The following VDAC1 variants were observed in gnomAD, a reference collection of about 807,000 sequenced individuals.
VDAC1 encodes the protein voltage dependent anion channel 1, also known as non-selective voltage-gated ion channel VDAC1.
Under a neutral mutation model 34.7 loss-of-function variants are expected in VDAC1, and 10 were observed. The ratio of observed to expected loss-of-function variants is 0.29; its 90% CI spans 0.18 to 0.49. The LOEUF (loss-of-function observed/expected upper bound fraction) is 0.49. Among genes scored for constraint, VDAC1 ranks in the 20% least tolerant of loss-of-function variants. The pLI, the probability that VDAC1 is intolerant of heterozygous loss-of-function variation, is 0.99. For missense variants in VDAC1, 230 were observed against 347.9 expected, an observed-to-expected ratio of 0.66 and a Z score of 2.69; for synonymous variants, 130 against 136.0, an observed-to-expected ratio of 0.96 and a Z score of 0.30.
the VDAC1 span, among the ~76,000 whole-genome samples, chr5:134,046,764 G>A: frequency 6.6e-6 from 1 of 152,176 alleles, no homozygotes; most frequent in Non-Finnish European, 1.5e-5. Context: ...CCTAAAAAAT[G>A]TTGTACACAG....
chr5:134,085,722 TAAAAAAAAAAAAA>T, the VDAC1 span, among the ~76,000 whole-genome samples: 40 of 44,248 alleles, frequency 9.0e-4, no homozygotes, highest in South Asian at 0.031. Flanking sequence ...ACCCCATTTC[TAAAAAAAAAAAAA>T]AAAAAAAAAA....
chr5:134,093,711 G>C, the VDAC1 span, among the ~76,000 whole-genome samples: 1 of 152,238 alleles, frequency 6.6e-6, no homozygotes, highest in Admixed American at 6.5e-5. Context: ...GCTCAAAGCA[G>C]TGGGCTGGGT....
upstream of VDAC1, among the ~76,000 whole-genome samples, chr5:134,008,521 C>G (rs935501135): frequency 4.6e-5 from 7 of 152,330 alleles, no homozygotes; most frequent in African/African-American, 1.7e-4. Flanking sequence ...TGTCTTATCT[C>G]TAACTTACAG....
At chr5:133,994,049 A>G (rs1186029671) in intron 1 of VDAC1, among the ~76,000 whole-genome samples, 1 of 152,230 alleles carries the variant, frequency 6.6e-6, no homozygotes, top group Non-Finnish European at 1.5e-5. Flanking sequence ...AATACAGTAT[A>G]CCTAAATTAT....
the VDAC1 span, among the ~76,000 whole-genome samples, chr5:134,083,903 G>A: frequency 6.6e-6 from 1 of 152,218 alleles, no homozygotes; most frequent in Non-Finnish European, 1.5e-5. Context: ...AATAAGTCGA[G>A]GTGGAGTGGT....
the VDAC1 span, among the ~76,000 whole-genome samples, chr5:134,110,489 C>A: frequency 2.0e-5 from 3 of 152,220 alleles, no homozygotes; most frequent in East Asian, 1.9e-4. Flanking sequence ...CACATGGACA[C>A]ACACGCCCCA....
the VDAC1 span, among the ~76,000 whole-genome samples, chr5:134,039,213 C>T: frequency 4.6e-5 from 7 of 152,320 alleles, no homozygotes; most frequent in East Asian, 1.3e-3. Context: ...TGATTCGCAA[C>T]CCTGGCTTCA....
At chr5:133,995,671 G>A (rs968713772) in intron 1 of VDAC1, among the ~76,000 whole-genome samples, 3 of 152,078 alleles carry the variant, frequency 2.0e-5, no homozygotes, top group African/African-American at 4.8e-5. Context: ...TGATCTGACG[G>A]AACTAAGGAA....
At chr5:134,063,804 A>T in the VDAC1 span, among the ~76,000 whole-genome samples, 2 of 152,052 alleles carry the variant, frequency 1.3e-5, no homozygotes, top group African/African-American at 4.8e-5. Flanking sequence ...AAATAAAATG[A>T]TTGTTGTCTA....
chr5:134,075,370 T>C, the VDAC1 span, among the ~76,000 whole-genome samples: 1 of 152,312 alleles, frequency 6.6e-6, no homozygotes, highest in South Asian at 2.1e-4. Context: ...CACTGCTATT[T>C]ACAATACTAT....
chr5:134,089,113 AG>A, the VDAC1 span, among the ~76,000 whole-genome samples: 1 of 152,138 alleles, frequency 6.6e-6, no homozygotes, highest in Non-Finnish European at 1.5e-5. Context: ...CACAGGCTCT[AG>A]GGCTTTGCCT....
the VDAC1 span, among the ~76,000 whole-genome samples, chr5:134,030,255 G>A: frequency 1.3e-5 from 2 of 152,058 alleles, no homozygotes; most frequent in Non-Finnish European, 2.9e-5. Flanking sequence ...CAGGAGAATC[G>A]CTTGAACCTG....
At chr5:133,992,832 G>A (rs1044926967) in intron 2 of VDAC1, 114 bp downstream of exon 2, 23 of 1,003,718 alleles carry the variant, frequency 2.3e-5, no homozygotes, top group Non-Finnish European at 2.9e-5. Context: ...TTTCCCTCAC[G>A]TGAAAGTTCA....
chr5:133,973,685 C>T (rs370413816), intron 8 of VDAC1, 106 bp downstream of exon 8: 37 of 945,552 alleles, frequency 3.9e-5, no homozygotes, highest in Non-Finnish European at 5.8e-5. Flanking sequence ...TTTATATATA[C>T]CCACTGTATT....
At chr5:134,011,823 A>T in the VDAC1 span, among the ~76,000 whole-genome samples, 100 of 152,038 alleles carry the variant, frequency 6.6e-4, 2 homozygotes, top group East Asian at 0.019. Context: ...TATTTTTAGT[A>T]GAGACGAGGT....
chr5:134,081,152 C>T, the VDAC1 span, among the ~76,000 whole-genome samples: 1 of 152,100 alleles, frequency 6.6e-6, no homozygotes, highest in Non-Finnish European at 1.5e-5. Context: ...ATTCTCCTGC[C>T]TCAGCCTCCC....
the VDAC1 span, among the ~76,000 whole-genome samples, chr5:134,010,523 G>A: frequency 0.013 from 1,941 of 151,282 alleles, 30 homozygotes; most frequent in African/African-American, 0.044. Context: ...GCTTGAACCC[G>A]AGATGCAGAG....
chr5:134,112,816 C>T, the VDAC1 span, among the ~76,000 whole-genome samples: 6 of 152,152 alleles, frequency 3.9e-5, no homozygotes, highest in Admixed American at 3.9e-4. Flanking sequence ...AAGAACCTCA[C>T]TGTTGTTGTG....
chr5:134,061,328 TAAACTGTTCTTAGTTC>T, the VDAC1 span, among the ~76,000 whole-genome samples: 1 of 151,628 alleles, frequency 6.6e-6, no homozygotes, highest in South Asian at 2.1e-4. Context: ...GCCACCTAAC[TAAACTGTTCTTAGTTC>T]AAACAGCTCA....
Sources: gnomAD v4.1 joint callset for allele counts (sites outside exome capture counted in the v4.1 genomes callset) on GRCh38, gnomAD v4.1.1 for gene constraint, MANE v1.5 for transcripts, NCBI Gene and HGNC (gene_info 2026-07-23, HGNC 2026-07-21) for gene names.